RMDN2: variants seen among roughly 807,000 people sequenced by gnomAD.
RMDN2 encodes the protein regulator of microtubule dynamics 2.
RMDN2 carries 61 observed loss-of-function variants against 52.8 expected under a neutral mutation model. That is an observed-to-expected ratio of 1.16 (90% CI 0.94 to 1.43). RMDN2 has a LOEUF of 1.43. Ranked by LOEUF, RMDN2 falls within the 40% of genes most tolerant of loss-of-function variation. RMDN2 has a pLI of 0.00. For missense variants in RMDN2, 592 were observed against 475.3 expected, an observed-to-expected ratio of 1.25 and a Z score of -2.28; for synonymous variants, 180 against 153.1, an observed-to-expected ratio of 1.18 and a Z score of -1.30.
chr2:38,015,182 G>T (rs965794750), intron 10 of RMDN2, among the ~76,000 whole-genome samples: 2 of 152,144 alleles, frequency 1.3e-5, no homozygotes, highest in Non-Finnish European at 2.9e-5. Context: ...TCTGGGTTCT[G>T]CCCTTCTGGC....
intron 10 of RMDN2, among the ~76,000 whole-genome samples, chr2:38,062,404 C>A: frequency 6.6e-6 from 1 of 152,166 alleles, no homozygotes; most frequent in Non-Finnish European, 1.5e-5. Flanking sequence ...ATCAATGGTT[C>A]ATTCTTTTTT....
chr2:38,060,242 A>C (rs944910771), intron 10 of RMDN2, among the ~76,000 whole-genome samples: 1 of 151,698 alleles, frequency 6.6e-6, no homozygotes, highest in African/African-American at 2.4e-5. Context: ...ACCACACCCG[A>C]CCATTTTGTT....
intron 2 of RMDN2, among the ~76,000 whole-genome samples, chr2:37,967,641 G>T (rs1040557056): frequency 6.6e-6 from 1 of 152,174 alleles, no homozygotes. Flanking sequence ...GAAAATTCTG[G>T]GGAAAGCATC....
At chr2:37,953,803 T>A (rs1316645605) in intron 2 of RMDN2, among the ~76,000 whole-genome samples, 1 of 152,058 alleles carries the variant, frequency 6.6e-6, no homozygotes, top group East Asian at 1.9e-4. Context: ...ATTTTACATT[T>A]GCACCAGGAG....
intron 10 of RMDN2, among the ~76,000 whole-genome samples, chr2:38,034,732 T>G (rs1209567575): frequency 6.6e-6 from 1 of 150,844 alleles, no homozygotes; most frequent in Non-Finnish European, 1.5e-5. Flanking sequence ...TATTTATAAA[T>G]TATACGTATT....
At chr2:37,999,130 C>T (rs983780523) in intron 8 of RMDN2, among the ~76,000 whole-genome samples, 3 of 152,108 alleles carry the variant, frequency 2.0e-5, no homozygotes, top group African/African-American at 7.2e-5. Context: ...TGCTAATGTG[C>T]CTGAAATAAT....
chr2:37,920,962 A>G (rs144339043), upstream of RMDN2, among the ~76,000 whole-genome samples: 2,493 of 152,354 alleles, frequency 0.016, 66 homozygotes, highest in African/African-American at 0.057. Flanking sequence ...AGGTTAGTAC[A>G]TGCCTTTTTG....
intron 7 of RMDN2, among the ~76,000 whole-genome samples, chr2:37,992,318 G>A (rs977536070): frequency 6.6e-6 from 1 of 152,160 alleles, no homozygotes; most frequent in Non-Finnish European, 1.5e-5. Context: ...GGAAAAAGGA[G>A]TAAAGGTATA....
At chr2:37,922,442 A>C (rs1282472057), upstream of RMDN2, among the ~76,000 whole-genome samples, 1 of 151,330 alleles carries the variant, frequency 6.6e-6, no homozygotes, top group Non-Finnish European at 1.5e-5. Context: ...AAAAATTGAC[A>C]CTCCCATCTC....
chr2:37,933,219 C>T (rs937186886), intron 2 of RMDN2, among the ~76,000 whole-genome samples: 3 of 151,080 alleles, frequency 2.0e-5, no homozygotes, highest in Non-Finnish European at 4.4e-5. Flanking sequence ...GTGATGGTGG[C>T]CGGGAAGAGG....
At chr2:37,936,607 T>C (rs1364482040) in intron 2 of RMDN2, among the ~76,000 whole-genome samples, 1 of 152,238 alleles carries the variant, frequency 6.6e-6, no homozygotes, top group African/African-American at 2.4e-5. Context: ...AGATGATATC[T>C]CATTGTGGTT....
upstream of RMDN2, among the ~76,000 whole-genome samples, chr2:37,924,245 G>C (rs1228351586): frequency 2.0e-5 from 3 of 152,212 alleles, no homozygotes; most frequent in Admixed American, 6.5e-5. Context: ...TTGCTGTTTT[G>C]AGAAAGAGTG....
intron 8 of RMDN2, among the ~76,000 whole-genome samples, chr2:37,998,750 G>A (rs539765788): frequency 2.0e-5 from 3 of 151,990 alleles, no homozygotes; most frequent in South Asian, 2.1e-4. Flanking sequence ...AAAAAGAAAC[G>A]GGCTGTACAT....
At chr2:37,921,362 G>A (rs1476426558), upstream of RMDN2, among the ~76,000 whole-genome samples, 4 of 152,114 alleles carry the variant, frequency 2.6e-5, no homozygotes, top group Non-Finnish European at 5.9e-5. Context: ...CTGTGTTCTA[G>A]AGACTGCCTA....
intron 2 of RMDN2, among the ~76,000 whole-genome samples, chr2:37,966,734 G>C (rs914069166): frequency 6.6e-6 from 1 of 151,874 alleles, no homozygotes; most frequent in Admixed American, 6.6e-5. Flanking sequence ...TTTTAGTTCA[G>C]TTATCATATG....
At position 38,063,123 on chromosome 2, in the gene RMDN2, G is replaced by A. The variant is rs1199463245; in HGVS notation, c.1714-3859G>A. Among the ~76,000 whole-genome samples, 5 of 152,138 alleles carry A rather than the reference G, an allele frequency of 3.3e-5. No individual in the cohort carries two copies. The East Asian group carries it at 9.6e-4, about 29-fold the overall frequency. On this transcript the variant is annotated intron_variant, in intron 10 of 10. Transcript: ENST00000234195. Reference sequence around the variant, plus strand: ...AGCAGCATGATTTATAATCCTTTGGGTATATACCCAGTAATGGGATTGCTG... The same window carrying A: ...AGCAGCATGATTTATAATCCTTTGGATATATACCCAGTAATGGGATTGCTG...
chr2:37,974,200 G>C lies in RMDN2; in HGVS notation c.613G>C (p.Asp205His), dbSNP rs1304375052. The change falls in exon 3 of 11, where the codon GAC becomes CAC. Residue 205 changes from aspartate (D) to histidine (H), a missense_variant. Transcript: ENST00000354545. ...GKSESFELLR[D>H]HKEKFRDEIE... ...GTCGGAGAGTTTTGAACTACTTCGT[G>C]ACCACAAAGAAAAGGTAAGAGACAT... The C allele has an allele frequency of 1.9e-6, 3 of 1,610,684 alleles. No homozygotes were observed. The highest frequency in any genetic ancestry group is 2.5e-6 in the Non-Finnish European group (3 of 1,178,554).
At chr2:38,039,673 T>A (rs1680832237) in intron 10 of RMDN2, among the ~76,000 whole-genome samples, 1 of 152,194 alleles carries the variant, frequency 6.6e-6, no homozygotes, top group Admixed American at 6.5e-5. Context: ...AATCACCCAG[T>A]GTCTGAGGCT....
intron 10 of RMDN2, among the ~76,000 whole-genome samples, chr2:38,064,218 G>A (rs1159068207): frequency 1.3e-5 from 2 of 152,106 alleles, no homozygotes; most frequent in South Asian, 2.1e-4. Flanking sequence ...TGAGATTAGG[G>A]GCCGGGTGCA....
Sources: gnomAD v4.1 joint callset for allele counts (sites outside exome capture counted in the v4.1 genomes callset) on GRCh38, gnomAD v4.1.1 for gene constraint, MANE v1.5 for transcripts, NCBI Gene and HGNC (gene_info 2026-07-23, HGNC 2026-07-21) for gene names.